Variants in RMDN3 observed in about 807,000 individuals in gnomAD.
RMDN3 encodes the protein regulator of microtubule dynamics 3, also known as regulator of microtubule dynamics protein 3.
In RMDN3, 41 loss-of-function variants were observed where a neutral mutation model predicts 61.8. The ratio of observed to expected loss-of-function variants is 0.66; its 90% confidence interval spans 0.52 to 0.86. The LOEUF (loss-of-function observed/expected upper bound fraction) is 0.86. RMDN3 is among the 40% of genes least tolerant of loss of function. The pLI, the probability that RMDN3 is intolerant of heterozygous loss-of-function variation, is 0.00. For missense variants in RMDN3, 557 were observed against 585.3 expected (o/e 0.95, Z 0.50); for synonymous variants, 247 against 232.0 (o/e 1.06, Z -0.59).
intron 4 of RMDN3, among the ~76,000 whole-genome samples, chr15:40,748,659 G>A (rs1289468577): frequency 3.3e-5 from 5 of 152,208 alleles, no homozygotes; most frequent in Non-Finnish European, 7.3e-5. Context: ...GAGTGCAGTG[G>A]TGCAATCTCG....
chr15:40,741,801 G>C (rs1046801560), intron 6 of RMDN3, among the ~76,000 whole-genome samples: 4 of 150,580 alleles, frequency 2.7e-5, no homozygotes, highest in Non-Finnish European at 5.9e-5. Context: ...GCTAATTTTT[G>C]TATTTTTAGT....
chr15:40,740,826 C>G (rs1312979198), intron 6 of RMDN3, among the ~76,000 whole-genome samples: 9 of 152,162 alleles, frequency 5.9e-5, no homozygotes, highest in Non-Finnish European at 1.3e-4. Flanking sequence ...TGGCTTATGC[C>G]TGTAATCCTA....
At chr15:40,738,178 G>A (rs774362356) in intron 8 of RMDN3, 136 bp from the exon 9 acceptor site, 33 of 891,414 alleles carry the variant, frequency 3.7e-5, no homozygotes, top group Non-Finnish European at 5.6e-5. Context: ...CCTGAGGTCA[G>A]GAGTTCGAAA....
Position 40,752,087 on chromosome 15 carries a change from GCGGTCCAGCACCTTCTC to G in RMDN3, c.262_278del (p.Glu88ProfsTer57). ...CAAGGCTGGTCAGCACAAAGTCCAGGCGGTCCAGCACCTTCTCCTGTCCTTCCCGTGGAAGGCTGGGC... is the reference window on the plus strand; with the variant it reads ...CAAGGCTGGTCAGCACAAAGTCCAGGCTGTCCTTCCCGTGGAAGGCTGGGC... On this transcript the variant is annotated frameshift_variant, in exon 3 of 13. Coordinates refer to ENST00000338376, the MANE Select transcript of RMDN3 (RefSeq NM_018145.3). LOFTEE classifies it high-confidence loss of function. The G allele has an allele frequency of 6.2e-7, 1 of 1,614,182 alleles. No homozygotes were observed. Among genetic ancestry groups the G allele is most frequent in the Non-Finnish European group, 8.5e-7 (1 of 1,180,034 alleles).
At chr15:40,753,996 C>T (rs1310339527) in intron 2 of RMDN3, among the ~76,000 whole-genome samples, 1 of 152,208 alleles carries the variant, frequency 6.6e-6, no homozygotes, top group Non-Finnish European at 1.5e-5. Flanking sequence ...ACACCTCACC[C>T]AACACTAAGC....
rs149097033 is a variant in RMDN3, at chr15:40,749,269, A to T, written c.524+2157T>A. On this transcript the variant is annotated intron_variant, in intron 4 of 12. Transcript: ENST00000338376. Reference sequence around the variant, plus strand: ...GGTGGTTCATACCTGTAATCTCAGCACTTGGAGGCTGATGTGGGAGAACTG... The same window carrying T: ...GGTGGTTCATACCTGTAATCTCAGCTCTTGGAGGCTGATGTGGGAGAACTG... Among the ~76,000 whole-genome samples, 44 of 152,346 alleles carry T rather than the reference A, an allele frequency of 2.9e-4. 1 individual carries two copies. Among genetic ancestry groups the T allele is most frequent in the Middle Eastern group, 6.8e-3 (2 of 294 alleles).
At chr15:40,747,055 C>T (rs1897601087) in intron 4 of RMDN3, among the ~76,000 whole-genome samples, 1 of 152,142 alleles carries the variant, frequency 6.6e-6, no homozygotes, top group Non-Finnish European at 1.5e-5. Context: ...CCCAGCCAGG[C>T]CCAAATGCAA....
intron 6 of RMDN3, among the ~76,000 whole-genome samples, chr15:40,743,773 G>A (rs1327251445): frequency 6.6e-6 from 1 of 152,230 alleles, no homozygotes; most frequent in Non-Finnish European, 1.5e-5. Context: ...TGTGGCTAGA[G>A]TGAGAAAAAC....
chr15:40,743,608 G>C (rs1347580273), intron 6 of RMDN3, among the ~76,000 whole-genome samples: 3 of 151,946 alleles, frequency 2.0e-5, no homozygotes, highest in Non-Finnish European at 4.4e-5. Context: ...TATCCTCCAG[G>C]GTGGAGCCTT....
chr15:40,739,840 A>G (rs897671870), intron 7 of RMDN3, among the ~76,000 whole-genome samples: 1 of 152,186 alleles, frequency 6.6e-6, no homozygotes, highest in African/African-American at 2.4e-5. Flanking sequence ...CTGAGAGCCA[A>G]GAACTCCAGT....
Position 40,737,949 on chromosome 15 carries a change from C to CGT in RMDN3, c.1125+15_1125+16insAC. 6.2e-7 allele frequency: 1 copy of CGT among 1,613,870 alleles called. No homozygotes were observed. Among genetic ancestry groups the CGT allele is most frequent in the Non-Finnish European group, 8.5e-7 (1 of 1,179,806 alleles). ...GCATTTAGGACCATTATGTCAAGCACTGAAACGCAGCTTACCTGATAGCAC... is the reference window on the plus strand; with the variant it reads ...GCATTTAGGACCATTATGTCAAGCACGTTGAAACGCAGCTTACCTGATAGCAC... On this transcript the variant is annotated intron_variant, in intron 9 of 12. Coordinates refer to ENST00000338376, the MANE Select transcript of RMDN3 (RefSeq NM_018145.3).
Position 40,754,697 on chromosome 15 carries a change from G to T in RMDN3, c.87C>A (p.Leu29=). The part of the protein sequence containing the change: ...GTAAGLGFLC[L]LYSQRWKRTQ... Reference sequence around the variant, plus strand: ...TCCGTTTCCATCGCTGGCTGTAAAGGAGGCACAGGAATCCAAGGCCGGCGG... The same window carrying T: ...TCCGTTTCCATCGCTGGCTGTAAAGTAGGCACAGGAATCCAAGGCCGGCGG... Residue 29 remains leucine (L), a synonymous_variant, in exon 2 of 13, where the codon CTC becomes CTA. Transcript: ENST00000338376. The T allele has an allele frequency of 2.5e-6, 4 of 1,614,096 alleles. No homozygotes were observed. The highest frequency in any genetic ancestry group is 2.5e-6 in the Non-Finnish European group (3 of 1,180,014).
intron 2 of RMDN3, 84 bp downstream of exon 2, chr15:40,754,513 T>C: frequency 7.4e-7 from 1 of 1,355,206 alleles, no homozygotes; most frequent in Non-Finnish European, 1.0e-6. Flanking sequence ...TCCGTTACCC[T>C]GTCCCACAGT....
intron 6 of RMDN3, among the ~76,000 whole-genome samples, chr15:40,741,247 C>T (rs1182021916): frequency 6.6e-6 from 1 of 152,046 alleles, no homozygotes; most frequent in Non-Finnish European, 1.5e-5. Context: ...TTGGCTCACA[C>T]CTGTAATCCT....
At chr15:40,749,505 A>G (rs552027567) in intron 4 of RMDN3, among the ~76,000 whole-genome samples, 1 of 152,318 alleles carries the variant, frequency 6.6e-6, no homozygotes, top group South Asian at 2.1e-4. Flanking sequence ...ACAGAGTGAG[A>G]CCCTGTCTCA....
intron 6 of RMDN3, among the ~76,000 whole-genome samples, chr15:40,742,798 A>G (rs1004147801): frequency 1.3e-5 from 2 of 152,214 alleles, no homozygotes; most frequent in Non-Finnish European, 2.9e-5. Flanking sequence ...GAGATGACCA[A>G]TGATCAAGAG....
rs1342169127 is a variant in RMDN3 at position 40,754,623 on chromosome 15, G to A, written c.161C>T (p.Thr54Met). 2.5e-6 allele frequency: 4 copies of A among 1,613,594 alleles called. No homozygotes were observed. The East Asian group carries it at 6.7e-5, about 27-fold the overall frequency. The change falls in exon 2 of 13, where the codon ACG (threonine) becomes ATG (methionine). Residue 54 changes from threonine (T) to methionine (M), a missense_variant. Physicochemically the swap from Thr to Met is moderately conservative, Grantham distance 81. Transcript: ENST00000338376. Reference protein sequence around the residue: ...SQSLPNSLDYTQTSDPGRHVM... With the variant: ...SQSLPNSLDYMQTSDPGRHVM... ...GTGGCGTCCGGGATCTGAAGTCTGC[G>A]TATAGTCCAGGGAGTTGGGCAGGCT...
At chr15:40,746,878 GAA>G (rs199761058) in intron 4 of RMDN3, among the ~76,000 whole-genome samples, 5 of 140,694 alleles carry the variant, frequency 3.6e-5, no homozygotes, top group African/African-American at 7.9e-5. Context: ...TTAGTTATTA[GAA>G]AAAAAAAAAA....
intron 6 of RMDN3, among the ~76,000 whole-genome samples, 192 bp from the exon 7 acceptor site, chr15:40,740,385 T>C (rs531970554): frequency 1.3e-5 from 2 of 152,322 alleles, no homozygotes; most frequent in Non-Finnish European, 2.9e-5. Context: ...GCCTCTGTGC[T>C]GTGTAATCCC....
Sources: allele counts gnomAD v4.1 joint callset (sites outside exome capture counted in the v4.1 genomes callset), GRCh38; gene constraint gnomAD v4.1.1; transcripts MANE v1.5; gene names NCBI Gene and HGNC (gene_info 2026-07-23, HGNC 2026-07-21).